The following DLC1 variants were observed in gnomAD, a reference collection of about 807,000 sequenced individuals.
The protein encoded by DLC1 is rho GTPase-activating protein 7.
In DLC1, 54 loss-of-function variants were observed where a neutral mutation model predicts 140.3. The observed-to-expected ratio is 0.38, with a 90% CI of 0.31 to 0.48. The LOEUF (loss-of-function observed/expected upper bound fraction) is 0.48. Among genes scored for constraint, DLC1 ranks in the 20% least tolerant of loss-of-function variants. The probability of loss-of-function intolerance (pLI) is 0.96; values close to 1 mark genes in which losing one functional copy is unlikely to be tolerated. For missense variants in DLC1, 2,536 were observed against 1,907.0 expected, an observed-to-expected ratio of 1.33 and a Z score of -6.14; for synonymous variants, 986 against 728.1, an observed-to-expected ratio of 1.35 and a Z score of -5.70.
At chr8:13,468,195 TC>T (rs1326693135) in intron 2 of DLC1, among the ~76,000 whole-genome samples, 1 of 152,230 alleles carries the variant, frequency 6.6e-6, no homozygotes, top group Non-Finnish European at 1.5e-5. Flanking sequence ...GTAATACTTT[TC>T]CAGTAATTTG....
intron 5 of DLC1, among the ~76,000 whole-genome samples, chr8:13,235,666 T>C (rs1829242287): frequency 6.6e-6 from 1 of 151,918 alleles, no homozygotes; most frequent in African/African-American, 2.4e-5. Flanking sequence ...TTTTTTTAGG[T>C]GAAAGATAAT....
At chr8:13,399,669 C>A (rs770330340) in intron 3 of DLC1, among the ~76,000 whole-genome samples, 1 of 152,162 alleles carries the variant, frequency 6.6e-6, no homozygotes, top group Admixed American at 6.5e-5. Flanking sequence ...TGTGTCAATT[C>A]ATCAGGCCAT....
At chr8:13,550,692 A>AGC (rs1803815802) in intron 1 of DLC1, among the ~76,000 whole-genome samples, 1 of 152,110 alleles carries the variant, frequency 6.6e-6, no homozygotes, top group Non-Finnish European at 1.5e-5. Flanking sequence ...TCTTTAATTA[A>AGC]AGCTTAAACA....
chr8:13,263,562 A>G (rs1305192496), intron 5 of DLC1, among the ~76,000 whole-genome samples: 2 of 151,150 alleles, frequency 1.3e-5, no homozygotes, highest in African/African-American at 2.4e-5. Context: ...ATATATTTAT[A>G]TATGATATAT....
rs113278056 is a variant in DLC1 at position 13,215,718 on chromosome 8, T to C, written c.1348+89551A>G. ...GAAGGTGAGACATATTCAGGGAAAC[T>C]TCATAATCCATATTTTCTTAAGATT... On this transcript the variant is annotated intron_variant, in intron 5 of 17. Transcript: ENST00000276297. Among the ~76,000 whole-genome samples the C allele has an allele frequency of 1.9e-3, 296 of 152,346 alleles. 1 individual carries two copies. Among genetic ancestry groups the C allele is most frequent in the African/African-American group, 6.7e-3 (280 of 41,578 alleles).
chr8:13,565,716 A>T (rs1463314070), intron 1 of DLC1, among the ~76,000 whole-genome samples: 1 of 152,170 alleles, frequency 6.6e-6, no homozygotes, highest in African/African-American at 2.4e-5. Flanking sequence ...AGAGAGACAA[A>T]ACTGAGAAAG....
At chr8:13,336,537 G>A (rs1471947875) in intron 4 of DLC1, among the ~76,000 whole-genome samples, 2 of 152,178 alleles carry the variant, frequency 1.3e-5, no homozygotes, top group African/African-American at 2.4e-5. Context: ...CATCATGGTT[G>A]AACAACTGTG....
upstream of DLC1, among the ~76,000 whole-genome samples, chr8:13,518,121 T>TTTTTGTTTTTG (rs1178611832): frequency 2.8e-5 from 4 of 142,630 alleles, no homozygotes; most frequent in African/African-American, 1.2e-4. Flanking sequence ...TTTGTTTTTG[T>TTTTTGTTTTTG]TTTTGAGACA....
chr8:13,537,938 G>C (rs569735012), intron 1 of DLC1, among the ~76,000 whole-genome samples: 1 of 152,094 alleles, frequency 6.6e-6, no homozygotes. Context: ...ACAGGCGTGA[G>C]CCACCGCACC....
intron 1 of DLC1, among the ~76,000 whole-genome samples, chr8:13,509,949 A>C (rs1563410273): frequency 6.6e-6 from 1 of 152,140 alleles, no homozygotes; most frequent in Non-Finnish European, 1.5e-5. Flanking sequence ...TATGTAAAAC[A>C]CTTAGTCCAT....
intron 2 of DLC1, among the ~76,000 whole-genome samples, chr8:13,451,292 C>G (rs1348631661): frequency 1.3e-5 from 2 of 152,140 alleles, no homozygotes; most frequent in Admixed American, 6.6e-5. Flanking sequence ...TATTTTGGTA[C>G]AGGCATGCAA....
intron 1 of DLC1, among the ~76,000 whole-genome samples, chr8:13,569,517 C>A (rs1804572671): frequency 6.6e-6 from 1 of 152,064 alleles, no homozygotes; most frequent in African/African-American, 2.4e-5. Context: ...TTTACATAAT[C>A]AAAATTCTGA....
intron 1 of DLC1, among the ~76,000 whole-genome samples, chr8:13,595,260 C>T (rs1397817325): frequency 6.6e-6 from 1 of 151,894 alleles, no homozygotes; most frequent in Non-Finnish European, 1.5e-5. Context: ...TTTAGAAAGA[C>T]AGTAGTGTTT....
intron 3 of DLC1, among the ~76,000 whole-genome samples, chr8:13,394,443 C>G (rs772016499): frequency 6.6e-6 from 1 of 152,110 alleles, no homozygotes; most frequent in Non-Finnish European, 1.5e-5. Context: ...GAGGTCAAGA[C>G]ATGTCTGTTG....
At chr8:13,114,174 C>T (rs1820345625) in intron 6 of DLC1, among the ~76,000 whole-genome samples, 1 of 152,136 alleles carries the variant, frequency 6.6e-6, no homozygotes, top group Admixed American at 6.5e-5. Context: ...CCAGCTTGGC[C>T]AACATGGTAA....
At chr8:13,275,033 TC>T (rs1275191341) in intron 5 of DLC1, among the ~76,000 whole-genome samples, 1 of 152,226 alleles carries the variant, frequency 6.6e-6, no homozygotes, top group African/African-American at 2.4e-5. Context: ...TGCCACATTT[TC>T]CTCTAAACAA....
At chr8:13,182,655 C>A (rs1432022761) in intron 5 of DLC1, among the ~76,000 whole-genome samples, 1 of 152,016 alleles carries the variant, frequency 6.6e-6, no homozygotes, top group East Asian at 1.9e-4. Flanking sequence ...ATTTCTGAGG[C>A]CTCTGTTCTG....
chr8:13,131,234 T>A (rs1168551219), intron 5 of DLC1, among the ~76,000 whole-genome samples: 10 of 152,154 alleles, frequency 6.6e-5, no homozygotes, highest in Non-Finnish European at 1.0e-4. Flanking sequence ...GTAGTCCAGA[T>A]GGATGGCGAA....
At chr8:13,321,937 T>C (rs910343207) in intron 4 of DLC1, among the ~76,000 whole-genome samples, 1 of 152,200 alleles carries the variant, frequency 6.6e-6, no homozygotes, top group Non-Finnish European at 1.5e-5. Flanking sequence ...AATATTTTTT[T>C]TAGTATCTGG....
Sources: gnomAD v4.1 joint callset for allele counts (sites outside exome capture counted in the v4.1 genomes callset) on GRCh38, gnomAD v4.1.1 for gene constraint, MANE v1.5 for transcripts, NCBI Gene and HGNC (gene_info 2026-07-23, HGNC 2026-07-21) for gene names.